Variants in TIAM1 observed in about 807,000 individuals in gnomAD.
TIAM1 encodes the protein TIAM Rac1 associated GEF 1.
A neutral mutation model predicts 163.5 loss-of-function variants in TIAM1; 65 were observed. The observed-to-expected ratio is 0.40, with a 90% CI of 0.33 to 0.49. The LOEUF (loss-of-function observed/expected upper bound fraction) is 0.49, where lower values mean the gene tolerates loss of function less well. Ranked by LOEUF, TIAM1 falls within the 20% of genes least tolerant of loss-of-function variation. The pLI is 0.77. For synonymous variants in TIAM1, 833 were observed against 810.1 expected (o/e 1.03, Z -0.48); for missense variants, 1,789 against 2,044.7 (o/e 0.87, Z 2.41).
At chr21:31,161,020 G>C (rs544899976) in intron 16 of TIAM1, 1 of 149,574 alleles carries the variant, frequency 6.7e-6, no homozygotes, top group African/African-American at 2.5e-5. Context: ...GTCAAGAGCA[G>C]GCAACTAAGA....
intron 2 of TIAM1, among the ~76,000 whole-genome samples, chr21:31,332,889 T>C (rs573858689): frequency 7.7e-4 from 117 of 151,374 alleles, no homozygotes; most frequent in African/African-American, 2.8e-3. Context: ...TTGAGAAAGG[T>C]GAAGCAGAAA....
intron 1 of TIAM1, among the ~76,000 whole-genome samples, chr21:31,468,893 G>A (rs2045632969): frequency 6.6e-6 from 1 of 151,930 alleles, no homozygotes; most frequent in Admixed American, 6.6e-5. Context: ...ACACTTTCTG[G>A]CCCTGGGGAG....
chr21:31,389,333 C>T (rs1356878609), intron 2 of TIAM1, among the ~76,000 whole-genome samples: 3 of 152,092 alleles, frequency 2.0e-5, no homozygotes, highest in South Asian at 2.1e-4. Flanking sequence ...CTCAGCCTCC[C>T]GAGTAGCTGT....
In TIAM1 at chr21:31,442,434, T is replaced by C. The variant is rs947850118; in HGVS notation, c.-369+21549A>G. ...TGTTAGTGGAGACAGGGTTTCACCA[T>C]GTTGGCCAGGCTGGTATGGAACGTC... On this transcript the variant is annotated intron_variant, in intron 2 of 28. Coordinates refer to the TIAM1 transcript ENST00000286827. Among the ~76,000 whole-genome samples, 4 of 151,972 alleles carry C rather than the reference T, an allele frequency of 2.6e-5. No individual in the cohort carries two copies. The South Asian group carries it at 6.2e-4, about 24-fold the overall frequency.
At chr21:31,346,368 C>T (rs772493177), upstream of TIAM1, among the ~76,000 whole-genome samples, 5 of 152,112 alleles carry the variant, frequency 3.3e-5, no homozygotes, top group Non-Finnish European at 5.9e-5. Context: ...CGCTGAGAAC[C>T]ATACATATGG....
chr21:31,169,972 A>T (rs2084423792), intron 15 of TIAM1, among the ~76,000 whole-genome samples: 2 of 152,222 alleles, frequency 1.3e-5, no homozygotes, highest in African/African-American at 4.8e-5. Flanking sequence ...TATAAATGCA[A>T]CCTAGAAGAG....
Position 31,154,307 on chromosome 21 carries a change from A to C in TIAM1, c.3111T>G (p.Asp1037Glu), listed in dbSNP as rs1447073780. The stretch of plus-strand genomic sequence containing the variant: ...AGATCACCTTGCGCAGCTTATCTGC[A>C]TCCGAGAGTTGTCTCATGGTCGCCA... ...PQLATMRQLS[D>E]ADKLRKVICE... Residue 1037 changes from aspartate (D) to glutamate (E), a missense_variant, in exon 17 of 28, where the codon GAT becomes GAG. By Grantham distance (45) the Asp-to-Glu change is conservative. Transcript: ENST00000541036. 4.3e-6 allele frequency: 7 copies of C among 1,614,032 alleles called. No homozygotes were observed. The highest frequency in any genetic ancestry group is 5.9e-6 in the Non-Finnish European group (7 of 1,180,036).
intron 2 of TIAM1, among the ~76,000 whole-genome samples, chr21:31,292,300 G>A (rs572231677): frequency 6.6e-6 from 1 of 151,346 alleles, no homozygotes; most frequent in African/African-American, 2.4e-5. Context: ...GGTCCCTGAA[G>A]TATCTTCTAC....
At chr21:31,437,904 CTAATACGTA>C (rs1270831446) in intron 2 of TIAM1, among the ~76,000 whole-genome samples, 1 of 152,198 alleles carries the variant, frequency 6.6e-6, no homozygotes, top group African/African-American at 2.4e-5. Context: ...TGAGAACAGA[CTAATACGTA>C]TGGATATTCC....
intron 2 of TIAM1, among the ~76,000 whole-genome samples, chr21:31,301,155 G>A (rs1041375533): frequency 1.3e-5 from 2 of 152,188 alleles, no homozygotes; most frequent in Admixed American, 6.5e-5. Flanking sequence ...GGACAGGGGC[G>A]AGAATGGAAG....
At chr21:31,334,103 C>T (rs1011135170) in intron 2 of TIAM1, among the ~76,000 whole-genome samples, 1 of 152,244 alleles carries the variant, frequency 6.6e-6, no homozygotes, top group Non-Finnish European at 1.5e-5. Flanking sequence ...TTCGATTCAA[C>T]CCCACGCTTG....
intron 2 of TIAM1, among the ~76,000 whole-genome samples, chr21:31,284,347 C>T (rs1352059423): frequency 6.6e-6 from 1 of 152,132 alleles, no homozygotes. Context: ...AATTGAGCCA[C>T]CCTTAGGTCT....
chr21:31,548,110 G>A (rs181064327), intron 1 of TIAM1, among the ~76,000 whole-genome samples: 15 of 146,982 alleles, frequency 1.0e-4, no homozygotes, highest in African/African-American at 2.5e-4. Context: ...ATGTGATCTC[G>A]AATAGTATTT....
At chr21:31,252,255 G>T in intron 4 of TIAM1, 66 bp from the exon 5 acceptor site, 1 of 1,525,262 alleles carries the variant, frequency 6.6e-7, no homozygotes, top group South Asian at 1.2e-5. Context: ...AGGGTCACGT[G>T]GAGAAGAGCC....
At chr21:31,396,367 C>T (rs971102208) in intron 2 of TIAM1, among the ~76,000 whole-genome samples, 21 of 151,938 alleles carry the variant, frequency 1.4e-4, no homozygotes, top group African/African-American at 1.2e-4. Context: ...TCTAGATTTC[C>T]ACGGGGTCTC....
intron 2 of TIAM1, among the ~76,000 whole-genome samples, chr21:31,355,296 C>A (rs980233050): frequency 1.3e-5 from 2 of 152,116 alleles, no homozygotes; most frequent in African/African-American, 4.8e-5. Context: ...TGGCCTTTGG[C>A]ATGAATATGG....
intron 4 of TIAM1, among the ~76,000 whole-genome samples, chr21:31,255,045 A>T (rs751320877): frequency 1.3e-5 from 2 of 152,102 alleles, no homozygotes; most frequent in Non-Finnish European, 2.9e-5. Flanking sequence ...ACATCTGCTC[A>T]TGCCAACTGA....
chr21:31,553,934 A>G (rs908014864), intron 1 of TIAM1, among the ~76,000 whole-genome samples: 3 of 152,066 alleles, frequency 2.0e-5, no homozygotes, highest in Non-Finnish European at 4.4e-5. Flanking sequence ...CTGCCCCCAG[A>G]TGACGCGGTG....
At chr21:31,237,682 T>TA (rs2070965592) in intron 6 of TIAM1, among the ~76,000 whole-genome samples, 1 of 152,220 alleles carries the variant, frequency 6.6e-6, no homozygotes, top group Non-Finnish European at 1.5e-5. Context: ...TTCCTAGAGA[T>TA]AACATTTTCT....
Sources: gnomAD v4.1 joint callset for allele counts (sites outside exome capture counted in the v4.1 genomes callset) on GRCh38, gnomAD v4.1.1 for gene constraint, MANE v1.5 for transcripts, NCBI Gene and HGNC (gene_info 2026-07-23, HGNC 2026-07-21) for gene names.